CRACR2A: variants seen among roughly 807,000 people sequenced by gnomAD.
The protein encoded by CRACR2A is EF-hand calcium-binding domain-containing protein 4B.
In CRACR2A, 79 loss-of-function variants were observed where a neutral mutation model predicts 90.5. The ratio of observed to expected loss-of-function variants is 0.87; its 90% CI spans 0.73 to 1.05. The LOEUF (loss-of-function observed/expected upper bound fraction) is 1.05. CRACR2A is among the 50% of genes least tolerant of loss of function. The pLI is 0.00. For synonymous variants in CRACR2A, 338 were observed against 356.7 expected, an observed-to-expected ratio of 0.95 and a Z score of 0.59; for missense variants, 823 against 897.2, an observed-to-expected ratio of 0.92 and a Z score of 1.06.
intron 1 of CRACR2A, among the ~76,000 whole-genome samples, chr12:3,736,780 G>C (rs1481165123): frequency 6.6e-6 from 1 of 152,150 alleles, no homozygotes; most frequent in Non-Finnish European, 1.5e-5. Flanking sequence ...AACGTTTAAC[G>C]AACTAGAGGC....
At chr12:3,685,022 G>A (rs911013937) in intron 4 of CRACR2A, among the ~76,000 whole-genome samples, 1 of 152,200 alleles carries the variant, frequency 6.6e-6, no homozygotes, top group Non-Finnish European at 1.5e-5. Flanking sequence ...ACCTGCCTAC[G>A]GCCCCCTGAG....
At chr12:3,667,443 T>C (rs1945168835) in intron 7 of CRACR2A, among the ~76,000 whole-genome samples, 1 of 152,192 alleles carries the variant, frequency 6.6e-6, no homozygotes, top group Non-Finnish European at 1.5e-5. Context: ...CACACTGCCA[T>C]GGCCAAAGAG....
intron 10 of CRACR2A, among the ~76,000 whole-genome samples, chr12:3,649,628 G>T (rs1043934179): frequency 1.3e-5 from 2 of 152,222 alleles, no homozygotes; most frequent in African/African-American, 4.8e-5. Flanking sequence ...GGAAGAGAGA[G>T]GCAGGGAGGC....
chr12:3,716,059 CT>C lies in CRACR2A; in HGVS notation c.-117-2743del, dbSNP rs565438217. 2.1e-3 allele frequency among the ~76,000 whole-genome samples: 296 copies of C among 142,906 alleles called. 2 individuals are homozygous for C. Among genetic ancestry groups the C allele is most frequent in the East Asian group, 0.012 (58 of 4,934 alleles). The allele number at this position is 142,906 out of a possible 152,430, so 93.8% of individuals were successfully genotyped here. On this transcript the variant is annotated intron_variant, in intron 2 of 19. Transcript: ENST00000440314. ...GACTCTCTGGTGACACTCTCCCAGG[CT>C]TTTTTTTTTTTTCTTTTTAGGTGTT...
At chr12:3,616,633 CTGGCCTTCCCCCAGAAGGAT>C (rs1867688580) in intron 19 of CRACR2A, among the ~76,000 whole-genome samples, 1 of 152,248 alleles carries the variant, frequency 6.6e-6, no homozygotes, top group Non-Finnish European at 1.5e-5. Flanking sequence ...GGCCTCTGAT[CTGGCCTTCCCCCAGAAGGAT>C]TGGCATTTAA....
chr12:3,660,223 T>C (rs1945004288), intron 7 of CRACR2A, among the ~76,000 whole-genome samples: 1 of 152,134 alleles, frequency 6.6e-6, no homozygotes. Context: ...CTCATGAGAT[T>C]CTCAAGAGAT....
At position 3,633,556 on chromosome 12, in the gene CRACR2A, C is replaced by T; in HGVS notation, c.1735+48G>A. On this transcript the variant is annotated intron_variant, in intron 15 of 19. Transcript: ENST00000440314. The surrounding 1 kb of genome is among the most constrained non-coding windows in gnomAD (Gnocchi z 4.5). ...GCCCCGGGCCCCCTTCTCACAAACT[C>T]CCTTCCCAAAGATGGGCCTAGGACC... The T allele has an allele frequency of 4.5e-6, 7 of 1,549,934 alleles. No individual in the cohort carries two copies. The highest frequency in any genetic ancestry group is 6.1e-6 in the Non-Finnish European group (7 of 1,145,746).
At chr12:3,622,825 C>T (rs1042138017) in intron 17 of CRACR2A, among the ~76,000 whole-genome samples, 4 of 152,138 alleles carry the variant, frequency 2.6e-5, no homozygotes, top group Non-Finnish European at 5.9e-5. Context: ...TATCCATCCC[C>T]TGGACTATGA....
chr12:3,691,249 CG>C (rs34540472), intron 4 of CRACR2A, among the ~76,000 whole-genome samples: 30,998 of 152,120 alleles, frequency 0.2, 3,232 homozygotes, highest in East Asian at 0.32. Flanking sequence ...CACTGGTCTG[CG>C]TACTTAAGTG....
At chr12:3,675,099 T>C (rs1565484991) in intron 6 of CRACR2A, among the ~76,000 whole-genome samples, 1 of 152,244 alleles carries the variant, frequency 6.6e-6, no homozygotes, top group African/African-American at 2.4e-5. Flanking sequence ...GCTTGTCCAT[T>C]ACAGTCATCT....
chr12:3,666,364 T>TGTGTGTGTGTGTGTGTGTGTGC (rs765943563), intron 7 of CRACR2A, among the ~76,000 whole-genome samples: 1 of 149,498 alleles, frequency 6.7e-6, no homozygotes, highest in Non-Finnish European at 1.5e-5. Flanking sequence ...TGCGTGCGTG[T>TGTGTGTGTGTGTGTGTGTGTGC]GCGCGTGCGC....
chr12:3,667,436 A>G (rs1369686784), intron 7 of CRACR2A, among the ~76,000 whole-genome samples: 4 of 152,190 alleles, frequency 2.6e-5, no homozygotes, highest in Non-Finnish European at 4.4e-5. Flanking sequence ...AACAGTCCAC[A>G]CTGCCATGGC....
chr12:3,748,286 C>CT lies in CRACR2A; in HGVS notation c.-387+4728dup, dbSNP rs544737500. The stretch of plus-strand genomic sequence containing the variant: ...CTTGGAATCTGAACCACAGGGGAAG[C>CT]TTGCCTGCTCCTACCTCCATGCATC... On this transcript the variant is annotated intron_variant, in intron 1 of 19. Transcript: ENST00000440314. Among the ~76,000 whole-genome samples the CT allele has an allele frequency of 2.2e-4, 33 of 152,220 alleles. No homozygotes were observed. The East Asian group carries it at 5.0e-3, about 23-fold the overall frequency.
chr12:3,733,383 T>A (rs1279171065), intron 1 of CRACR2A, among the ~76,000 whole-genome samples, 173 bp from the exon 2 acceptor site: 1 of 152,206 alleles, frequency 6.6e-6, no homozygotes, highest in Non-Finnish European at 1.5e-5. Context: ...GACAGTGACC[T>A]CCTCCCCAGC....
chr12:3,628,173 TTC>T (rs890212018), intron 15 of CRACR2A, among the ~76,000 whole-genome samples: 1 of 147,722 alleles, frequency 6.8e-6, no homozygotes, highest in African/African-American at 2.6e-5. Context: ...CTCTCTTTCT[TTC>T]TCTCTTTCTT....
At chr12:3,726,605 CT>C (rs1946269109) in intron 2 of CRACR2A, 1 of 151,988 alleles carries the variant, frequency 6.6e-6, no homozygotes, top group Non-Finnish European at 1.5e-5. Context: ...ATAACCTTCA[CT>C]GAGGTACAGA....
At chr12:3,749,991 C>G (rs1946682314) in intron 1 of CRACR2A, among the ~76,000 whole-genome samples, 1 of 151,724 alleles carries the variant, frequency 6.6e-6, no homozygotes, top group African/African-American at 2.4e-5. Context: ...GGCTGGAGTG[C>G]AATGGCGCAA....
At chr12:3,700,651 T>C (rs1945821803) in intron 3 of CRACR2A, among the ~76,000 whole-genome samples, 1 of 152,232 alleles carries the variant, frequency 6.6e-6, no homozygotes, top group Non-Finnish European at 1.5e-5. Context: ...GGTCAATCCA[T>C]CAATATGCTA....
chr12:3,668,955 CGATGCCAAACAGGCAACAACCAAT>C (rs1591672721), intron 7 of CRACR2A, among the ~76,000 whole-genome samples: 1 of 152,308 alleles, frequency 6.6e-6, no homozygotes, highest in East Asian at 1.9e-4. Context: ...TTGTCAAGGC[CGATGCCAAACAGGCAACAACCAAT>C]GATGCCAAAC....
Sources: gnomAD v4.1 joint callset for allele counts (sites outside exome capture counted in the v4.1 genomes callset) on GRCh38, gnomAD v4.1.1 for gene constraint, Gnocchi (gnomAD v3.1) non-coding constraint, MANE v1.5 for transcripts, NCBI Gene and HGNC (gene_info 2026-07-23, HGNC 2026-07-21) for gene names.